The following ZKSCAN7 variants were observed in gnomAD, a reference collection of about 807,000 sequenced individuals.
ZKSCAN7 encodes zinc finger protein with KRAB and SCAN domains 7.
ZKSCAN7 carries 38 observed loss-of-function variants against 65.3 expected under a neutral mutation model. That is an observed-to-expected ratio of 0.58 (90% CI 0.45 to 0.76). The LOEUF (loss-of-function observed/expected upper bound fraction) is 0.76, where lower values mean the gene tolerates loss of function less well. Ranked by LOEUF, ZKSCAN7 falls within the 30% of genes least tolerant of loss-of-function variation. The pLI is 0.00. For synonymous variants in ZKSCAN7, 321 were observed against 321.0 expected, an observed-to-expected ratio of 1.00 and a Z score of 0.00; for missense variants, 815 against 913.3, an observed-to-expected ratio of 0.89 and a Z score of 1.39.
In ZKSCAN7 at chr3:44,565,588, A is replaced by C. The variant is rs1341772071; in HGVS notation, c.525A>C (p.Ser175=). The C allele has an allele frequency of 6.2e-7, 1 of 1,612,618 alleles. No individual in the cohort carries two copies. ...CTACCTCACCCCTCAGTGGGGGCTC[A>C]GCCCCTGGAGCCCACCTGGAGCCTC... is the stretch of plus-strand genomic sequence containing the variant. ...SPPTSPLSGG[S]APGAHLEPPY... Residue 175 remains serine, a synonymous_variant, in exon 3 of 6, where the codon TCA becomes TCC. Transcript: ENST00000426540.
Position 44,569,349 on chromosome 3 carries a change from C to T in ZKSCAN7, c.812-573C>T, listed in dbSNP as rs146195367. Among the ~76,000 whole-genome samples, 1,127 of 152,268 alleles carry T rather than the reference C, an allele frequency of 7.4e-3. 7 individuals carry two copies. Among genetic ancestry groups the T allele is most frequent in the African/African-American group, 0.016 (666 of 41,550 alleles). ...TTGGAAGGGCAGATCCTGTGGTTGA[C>T]GAGTTTAGGGCAGTCTTTTTACTGT... On this transcript the variant is annotated intron_variant, in intron 5 of 5. Coordinates refer to ENST00000426540, the MANE Select transcript of ZKSCAN7 (RefSeq NM_001288590.2).
chr3:44,578,906 C>T (rs531554044), intron 5 of ZKSCAN7, among the ~76,000 whole-genome samples: 16 of 152,340 alleles, frequency 1.1e-4, no homozygotes, highest in East Asian at 7.7e-4. Context: ...GCTCTGCTCC[C>T]GGCCCAGGGC....
At chr3:44,567,331 C>T (rs1699665982) in intron 3 of ZKSCAN7, among the ~76,000 whole-genome samples, 1 of 152,050 alleles carries the variant, frequency 6.6e-6, no homozygotes, top group Non-Finnish European at 1.5e-5. Flanking sequence ...GAATTCCTAG[C>T]CTCAAGCCAG....
chr3:44,578,505 C>T lies in ZKSCAN7; in HGVS notation c.812-4467C>T, dbSNP rs547080740. 8.5e-5 allele frequency among the ~76,000 whole-genome samples: 13 copies of T among 152,328 alleles called. No homozygotes were observed. In the South Asian group the frequency reaches 1.5e-3, roughly 17 times the overall value. ...TGGCACTGCCGCAGGGCCTGCTGCCCGGCCTCCAGCGCCTGGGCCAGATGG... is the reference window on the plus strand; with the variant it reads ...TGGCACTGCCGCAGGGCCTGCTGCCTGGCCTCCAGCGCCTGGGCCAGATGG... On this transcript the variant is annotated intron_variant, in intron 5 of 5. Coordinates refer to the ZKSCAN7 transcript ENST00000341840.
rs369558149 is a variant in ZKSCAN7 at position 44,568,335 on chromosome 3, T to A, written c.713T>A (p.Val238Glu). Residue 238 changes from valine to glutamate, a missense_variant, in exon 5 of 6, where the codon GTA (valine) becomes GAA (glutamate). This residue lies in a region of ZKSCAN7 where 578 missense variants were observed against 629.5 expected (regional missense o/e 0.92). Transcript: ENST00000426540. Reference protein sequence around the residue: ...QDTVAYEDLSVDYTQKKWKSL... With the variant: ...QDTVAYEDLSEDYTQKKWKSL... ...ACTGTGGCATATGAGGACCTATCTG[T>A]AGACTACACTCAGAAGAAATGGAAA... is the stretch of plus-strand genomic sequence containing the variant. 66 of 1,613,830 alleles carry A rather than the reference T, an allele frequency of 4.1e-5. No individual in the cohort carries two copies. The highest frequency in any genetic ancestry group is 2.0e-4 in the East Asian group (9 of 44,894).
downstream of ZKSCAN7, among the ~76,000 whole-genome samples, chr3:44,576,310 A>G (rs1213695057): frequency 2.0e-5 from 3 of 152,040 alleles, no homozygotes; most frequent in Non-Finnish European, 4.4e-5. Context: ...GGATGCCCCT[A>G]TCTCAGATAT....
At chr3:44,580,047 T>G in intron 5 of ZKSCAN7, 1 of 1,582,648 alleles carries the variant, frequency 6.3e-7, no homozygotes, top group Non-Finnish European at 8.7e-7. Flanking sequence ...CTGGCGTGTG[T>G]CACTGGATGG....
At chr3:44,558,722 C>T (rs1575356172) in intron 2 of ZKSCAN7, among the ~76,000 whole-genome samples, 1 of 149,058 alleles carries the variant, frequency 6.7e-6, no homozygotes, top group African/African-American at 2.5e-5. Context: ...TTTCCTCCTC[C>T]TCCTCCTTTT....
At chr3:44,580,547 C>G (rs969848524) in intron 5 of ZKSCAN7, 10 of 1,613,678 alleles carry the variant, frequency 6.2e-6, no homozygotes, top group Non-Finnish European at 8.5e-6. Context: ...GCTCCACTTT[C>G]CATTTCTTCT....
chr3:44,573,093 TA>T (rs1258454249), downstream of ZKSCAN7, among the ~76,000 whole-genome samples: 2 of 152,176 alleles, frequency 1.3e-5, no homozygotes, highest in African/African-American at 2.4e-5. Flanking sequence ...TTAATTATCA[TA>T]ATTGTCTTCT....
chr3:44,580,165 G>T, intron 5 of ZKSCAN7: 1 of 1,608,950 alleles, frequency 6.2e-7, no homozygotes. Context: ...CTGGGGCTGG[G>T]AGGGGAGAGC....
Position 44,570,081 on chromosome 3 carries a change from G to T in ZKSCAN7, c.971G>T (p.Gly324Val). 2.5e-6 allele frequency: 4 copies of T among 1,613,936 alleles called. No individual in the cohort carries two copies. The highest frequency in any genetic ancestry group is 3.4e-6 in the Non-Finnish European group (4 of 1,179,970). ...VCEDTFKELEGQTSDEEGSRL... is the reference protein window; with the variant it reads ...VCEDTFKELEVQTSDEEGSRL... The stretch of plus-strand genomic sequence containing the variant: ...GAAGATACTTTCAAGGAGTTAGAAG[G>T]ACAAACCTCAGATGAAGAAGGGAGC... The change falls in exon 6 of 6, where the codon GGA (glycine) becomes GTA (valine). Residue 324 changes from glycine to valine, a missense_variant. By Grantham distance (109) the Gly-to-Val change is moderately radical (BLOSUM62 -3). Around this residue, in one of 3 missense-constraint regions of ZKSCAN7, gnomAD observed 578 missense variants for 629.5 expected, o/e 0.92. Transcript: ENST00000426540.
At chr3:44,574,442 C>G (rs1287543387), downstream of ZKSCAN7, among the ~76,000 whole-genome samples, 1 of 152,178 alleles carries the variant, frequency 6.6e-6, no homozygotes, top group Non-Finnish European at 1.5e-5. Context: ...TGTGCATTAG[C>G]AAGAACTTCC....
chr3:44,559,026 C>G (rs533939871), intron 2 of ZKSCAN7, among the ~76,000 whole-genome samples: 21 of 152,108 alleles, frequency 1.4e-4, no homozygotes, highest in Admixed American at 4.6e-4. Flanking sequence ...ATATTCTTGC[C>G]TTGGCCTCCC....
intron 5 of ZKSCAN7, chr3:44,580,940 G>T: frequency 6.2e-7 from 1 of 1,612,680 alleles, no homozygotes; most frequent in South Asian, 1.1e-5. Context: ...GATGCGACTC[G>T]CGGGGCTGGA....
chr3:44,569,775 A>G (rs1699739566), intron 5 of ZKSCAN7, 147 bp from the exon 6 acceptor site: 9 of 1,313,128 alleles, frequency 6.9e-6, no homozygotes, highest in East Asian at 2.8e-5. Context: ...AGCTATTAAT[A>G]TTTCCCATTT....
At position 44,557,217 on chromosome 3, in the gene ZKSCAN7, T is replaced by C. The variant is rs1398675785; in HGVS notation, c.170T>C (p.Phe57Ser). ...GTCTGCGAAATCTTCCGGCTACACT[T>C]CAGGCAATTGTGTTACCACGAGATG... is the stretch of plus-strand genomic sequence containing the variant. ...PPVCEIFRLHFRQLCYHEMSG... is the reference protein window; with the variant it reads ...PPVCEIFRLHSRQLCYHEMSG... Residue 57 changes from phenylalanine (F) to serine (S), a missense_variant, in exon 2 of 6, where the codon TTC becomes TCC. Coordinates refer to ENST00000426540, the MANE Select transcript of ZKSCAN7 (RefSeq NM_001288590.2). 6.2e-7 allele frequency: 1 copy of C among 1,614,272 alleles called. No individual in the cohort carries two copies. The highest frequency in any genetic ancestry group is 2.2e-5 in the East Asian group (1 of 44,892).
chr3:44,566,913 G>A (rs1269733888), intron 3 of ZKSCAN7, among the ~76,000 whole-genome samples: 1 of 152,028 alleles, frequency 6.6e-6, no homozygotes, highest in Non-Finnish European at 1.5e-5. Flanking sequence ...GAGGTCAGGA[G>A]TTTGAGACCA....
Position 44,568,020 on chromosome 3 carries a change from G to T in ZKSCAN7, c.684+17G>T. The T allele has an allele frequency of 3.1e-6, 4 of 1,307,808 alleles. 1 individual carries two copies. In the South Asian group the frequency reaches 5.5e-5, roughly 18 times the overall value. The allele number at this position is 1,307,808 out of a possible 1,614,324, so 81.0% of individuals were successfully genotyped here. ...AGGCCCCAGGTGAGCTTGGTTCTTT[G>T]TGTTTTTACCAAGTCCCCATGAGTC... is the stretch of plus-strand genomic sequence containing the variant. On this transcript the variant is annotated intron_variant, in intron 4 of 5. Transcript: ENST00000426540.
Sources: gnomAD v4.1 joint callset for allele counts (sites outside exome capture counted in the v4.1 genomes callset) on GRCh38, gnomAD v4.1.1 for gene constraint, gnomAD v4.1.1 regional missense constraint, MANE v1.5 for transcripts, NCBI Gene and HGNC (gene_info 2026-07-23, HGNC 2026-07-21) for gene names.